Variants in GRK4 observed in about 807,000 individuals in gnomAD.
The protein encoded by GRK4 is G protein-coupled receptor kinase 4.
Under a neutral mutation model 77.9 loss-of-function variants are expected in GRK4, and 73 were observed. The observed-to-expected ratio is 0.94, with a 90% CI of 0.78 to 1.14. The LOEUF (loss-of-function observed/expected upper bound fraction) is 1.14. Among genes scored for constraint, GRK4 ranks in the 50% most tolerant of loss-of-function variants. The pLI is 0.00. For missense variants in GRK4, 729 were observed against 700.2 expected, an observed-to-expected ratio of 1.04 and a Z score of -0.46; for synonymous variants, 257 against 254.4, an observed-to-expected ratio of 1.01 and a Z score of -0.10.
At position 3,010,108 on chromosome 4, in the gene GRK4, C is replaced by T. The variant is rs190376771; in HGVS notation, c.600+397C>T. ...GTAAATATACTTACGTAACCCTACTCTGTTTGGACACGTATGTACCTCATA... is the reference window on the plus strand; with the variant it reads ...GTAAATATACTTACGTAACCCTACTTTGTTTGGACACGTATGTACCTCATA... On this transcript the variant is annotated intron_variant, in intron 7 of 15. Coordinates refer to ENST00000398052, the MANE Select transcript of GRK4 (RefSeq NM_182982.3). Among the ~76,000 whole-genome samples, 435 of 152,254 alleles carry T rather than the reference C, an allele frequency of 2.9e-3. 1 individual carries two copies. Among genetic ancestry groups the T allele is most frequent in the Non-Finnish European group, 4.7e-3 (319 of 68,034 alleles).
intron 5 of GRK4, among the ~76,000 whole-genome samples, chr4:3,006,256 G>A (rs936410908): frequency 6.6e-6 from 1 of 151,726 alleles, no homozygotes. Context: ...GCACATGCCT[G>A]TAATCCCAGC....
At chr4:3,013,373 T>C (rs776071969) in intron 7 of GRK4, among the ~76,000 whole-genome samples, 9 of 152,190 alleles carry the variant, frequency 5.9e-5, no homozygotes, top group African/African-American at 1.4e-4. Flanking sequence ...TTTTCAGTTT[T>C]ACTTTTTAAA....
intron 13 of GRK4, among the ~76,000 whole-genome samples, chr4:3,036,414 C>T (rs1262002797): frequency 6.6e-6 from 1 of 152,276 alleles, no homozygotes; most frequent in Non-Finnish European, 1.5e-5. Context: ...GCTACTCTAA[C>T]AGCTGTGCTG....
intron 1 of GRK4, among the ~76,000 whole-genome samples, chr4:2,980,602 G>A (rs1437531082): frequency 5.3e-5 from 8 of 151,864 alleles, no homozygotes; most frequent in African/African-American, 1.9e-4. Context: ...GCCCATCTGT[G>A]AGGAGCAGAA....
At chr4:3,004,122 T>C (rs923368423) in intron 4 of GRK4, 109 bp from the exon 5 acceptor site, 2 of 849,614 alleles carry the variant, frequency 2.4e-6, no homozygotes, top group African/African-American at 3.4e-5. Context: ...ACTTTGACTT[T>C]CATTTTATAC....
At chr4:3,026,665 T>TCA (rs1395152115) in intron 10 of GRK4, among the ~76,000 whole-genome samples, 1 of 152,228 alleles carries the variant, frequency 6.6e-6, no homozygotes, top group Non-Finnish European at 1.5e-5. Context: ...GAGCCAGGAC[T>TCA]CAGACCCACG....
chr4:2,989,129 C>A (rs922246450), intron 3 of GRK4, among the ~76,000 whole-genome samples: 2 of 151,520 alleles, frequency 1.3e-5, no homozygotes, highest in Non-Finnish European at 2.9e-5. Flanking sequence ...TGCAGTGAGC[C>A]GAGATCGCAC....
At chr4:3,026,665 T>C (rs1467257252) in intron 10 of GRK4, among the ~76,000 whole-genome samples, 1 of 152,228 alleles carries the variant, frequency 6.6e-6, no homozygotes, top group Non-Finnish European at 1.5e-5. Flanking sequence ...GAGCCAGGAC[T>C]CAGACCCACG....
At chr4:3,034,639 T>G (rs1259556423) in intron 12 of GRK4, among the ~76,000 whole-genome samples, 1 of 152,210 alleles carries the variant, frequency 6.6e-6, no homozygotes, top group Non-Finnish European at 1.5e-5. Flanking sequence ...TGAGGAATAC[T>G]TTCTAAAGAG....
At chr4:2,986,280 CT>C (rs143296789) in intron 2 of GRK4, among the ~76,000 whole-genome samples, 54,104 of 130,498 alleles carry the variant, frequency 0.41, 10,881 homozygotes, top group African/African-American at 0.53. Flanking sequence ...AGAACATTTC[CT>C]TTTTTTTTTT....
intron 9 of GRK4, among the ~76,000 whole-genome samples, chr4:3,021,715 T>C (rs1736142550): frequency 1.3e-5 from 2 of 152,122 alleles, no homozygotes; most frequent in Admixed American, 1.3e-4. Context: ...CCATAGGAGA[T>C]TTGATTCTTT....
intron 7 of GRK4, among the ~76,000 whole-genome samples, chr4:3,009,995 G>A (rs184877651): frequency 4.6e-5 from 7 of 152,278 alleles, no homozygotes; most frequent in Non-Finnish European, 1.5e-5. Context: ...ATGGAAAGAC[G>A]ATTCTGTTTC....
chr4:2,993,490 A>G (rs1726887043), intron 4 of GRK4, among the ~76,000 whole-genome samples: 1 of 152,162 alleles, frequency 6.6e-6, no homozygotes, highest in Non-Finnish European at 1.5e-5. Context: ...CCTGGCCAAT[A>G]TGGTGAAACC....
At chr4:3,028,107 C>A in intron 11 of GRK4, 106 bp downstream of exon 11, 1 of 918,112 alleles carries the variant, frequency 1.1e-6, no homozygotes, top group Non-Finnish European at 1.8e-6. Context: ...GGTTTGGACA[C>A]ACTAGTAGAT....
intron 8 of GRK4, among the ~76,000 whole-genome samples, chr4:3,014,606 C>T (rs1019928651): frequency 2.0e-5 from 3 of 151,912 alleles, no homozygotes; most frequent in African/African-American, 7.3e-5. Flanking sequence ...CCAGCCTGAC[C>T]AACATGGTGA....
At chr4:2,970,607 G>T (rs1365118444) in intron 1 of GRK4, among the ~76,000 whole-genome samples, 2 of 150,892 alleles carry the variant, frequency 1.3e-5, no homozygotes, top group Non-Finnish European at 3.0e-5. Context: ...GCAGTGAGCC[G>T]AGATCGTGCC....
chr4:2,980,095 T>C (rs184386919), intron 1 of GRK4, among the ~76,000 whole-genome samples: 60 of 152,316 alleles, frequency 3.9e-4, no homozygotes, highest in Non-Finnish European at 2.9e-5. Context: ...CAAGAGTGCT[T>C]TCATCCTGTT....
chr4:2,992,101 C>T (rs1726377156), intron 3 of GRK4, 114 bp from the exon 4 acceptor site: 1 of 608,336 alleles, frequency 1.6e-6, no homozygotes, highest in African/African-American at 1.9e-5. Context: ...TGGCCTCGAA[C>T]TCTTGAGCTC....
At chr4:3,001,191 A>G (rs1313202685) in intron 4 of GRK4, among the ~76,000 whole-genome samples, 1 of 110,148 alleles carries the variant, frequency 9.1e-6, no homozygotes, top group Non-Finnish European at 1.8e-5. Context: ...ATGTGTATAT[A>G]TATGTATATA....
Sources: allele counts gnomAD v4.1 joint callset (sites outside exome capture counted in the v4.1 genomes callset), GRCh38; gene constraint gnomAD v4.1.1; transcripts MANE v1.5; gene names NCBI Gene and HGNC (gene_info 2026-07-23, HGNC 2026-07-21).